MAP3K11: variants seen among roughly 807,000 people sequenced by gnomAD.
MAP3K11 encodes SH3 domain-containing proline-rich kinase.
Under a neutral mutation model 84.9 loss-of-function variants are expected in MAP3K11, and 46 were observed. The observed-to-expected ratio is 0.54, with a 90% CI of 0.43 to 0.69. The LOEUF is 0.69. MAP3K11 is among the 30% of genes least tolerant of loss of function. The probability of loss-of-function intolerance (pLI) is 0.00; values close to 1 mark genes in which losing one functional copy is unlikely to be tolerated. For synonymous variants in MAP3K11, 527 were observed against 514.7 expected, an observed-to-expected ratio of 1.02 and a Z score of -0.32; for missense variants, 1,053 against 1,198.3, an observed-to-expected ratio of 0.88 and a Z score of 1.79.
At position 65,613,339 on chromosome 11, in the gene MAP3K11, G is replaced by A; in HGVS notation, c.418C>T (p.Leu140=). 2.5e-6 allele frequency: 4 copies of A among 1,613,110 alleles called. No individual in the cohort carries two copies. The highest frequency in any genetic ancestry group is 1.1e-5 in the South Asian group (1 of 91,086). ...TGGCGAGCTGCCTTCACAGCCACCA[G>A]CTCACCTCGCCAGCTGCCCCTGTAC... is the stretch of plus-strand genomic sequence containing the variant. ...KVYRGSWRGE[L]VAVKAARQDP... The change falls in exon 1 of 10, where the codon CTG becomes TTG. Residue 140 remains leucine, a synonymous_variant. Coordinates refer to ENST00000309100, the MANE Select transcript of MAP3K11 (RefSeq NM_002419.4).
chr11:65,605,710 G>A (rs1416743200), intron 8 of MAP3K11, 51 bp downstream of exon 8: 2 of 1,408,328 alleles, frequency 1.4e-6, no homozygotes, highest in East Asian at 2.4e-5. Context: ...TCCCCAAGGT[G>A]CCCACGGAAG....
At chr11:65,600,290 A>G (rs1007776686) in intron 8 of MAP3K11, among the ~76,000 whole-genome samples, 5 of 152,146 alleles carry the variant, frequency 3.3e-5, no homozygotes, top group Non-Finnish European at 5.9e-5. Flanking sequence ...CCCTGTCTCT[A>G]TTCTAGAAAG....
In MAP3K11 at chr11:65,607,255, G is replaced by A; in HGVS notation, c.1489+15C>T. 3 of 1,482,750 alleles carry A rather than the reference G, an allele frequency of 2.0e-6. No individual in the cohort carries two copies. Among genetic ancestry groups the A allele is most frequent in the Non-Finnish European group, 8.9e-7 (1 of 1,127,072 alleles). 91.8% of individuals were successfully genotyped at this position (1,482,750 alleles called of 1,614,324 possible). A position where few individuals can be genotyped will look rare whatever the true frequency, so the allele number is the denominator to read the frequency against. ...GCAGCCAATGGCGGGGGACGCCCCG[G>A]GGCCCGGCCCTCACCGAGTGGCATG... On this transcript the variant is annotated intron_variant, in intron 5 of 9. Transcript: ENST00000309100.
chr11:65,613,821 C>T lies in MAP3K11; in HGVS notation c.-65G>A. The T allele has an allele frequency of 6.9e-7, 1 of 1,455,328 alleles. No homozygotes were observed. The highest frequency in any genetic ancestry group is 9.0e-7 in the Non-Finnish European group (1 of 1,106,388). 90.2% of individuals were successfully genotyped at this position (1,455,328 alleles called of 1,614,324 possible). ...TGGGTGCCCGTGGTCCCCACCCCCGCTGGCTGCCAAGGCCCTAGTCCCGGA... is the reference window on the plus strand; with the variant it reads ...TGGGTGCCCGTGGTCCCCACCCCCGTTGGCTGCCAAGGCCCTAGTCCCGGA... On this transcript the variant is annotated 5_prime_UTR_variant, in exon 1 of 10. Transcript: ENST00000309100.
intron 9 of MAP3K11, 152 bp downstream of exon 9, chr11:65,599,242 A>G: frequency 1.1e-6 from 1 of 909,946 alleles, no homozygotes; most frequent in South Asian, 2.0e-5. Flanking sequence ...TGCTCCCTAC[A>G]TGCGTCTTCA....
rs767433009 is a variant in MAP3K11, at chr11:65,613,134, C to T, written c.623G>A (p.Arg208Gln). 17 of 1,589,674 alleles carry T rather than the reference C, an allele frequency of 1.1e-5. No homozygotes were observed. The highest frequency in any genetic ancestry group is 8.9e-5 in the East Asian group (4 of 44,778). ...GACCAGCACATGGGGAGGCACGCGCCGCCCGGCCAGAGCTCGGCTGAGGGG... is the reference window on the plus strand; with the variant it reads ...GACCAGCACATGGGGAGGCACGCGCTGCCCGGCCAGAGCTCGGCTGAGGGG... ...GGPLSRALAG[R>Q]RVPPHVLVNW... Residue 208 changes from arginine to glutamine, a missense_variant, in exon 1 of 10, where the codon CGG (arginine) becomes CAG (glutamine). This residue lies in a region of MAP3K11 where 310 missense variants were observed against 464.5 expected (regional missense o/e 0.67). Coordinates refer to ENST00000309100, the MANE Select transcript of MAP3K11 (RefSeq NM_002419.4).
intron 5 of MAP3K11, 72 bp from the exon 6 acceptor site, chr11:65,606,876 G>C (rs960551865): frequency 3.1e-6 from 3 of 977,074 alleles, no homozygotes; most frequent in Middle Eastern, 2.3e-4. Context: ...ACCTGCAGGG[G>C]CCCAAGGCCA....
chr11:65,606,711 G>C lies in MAP3K11; in HGVS notation c.1583C>G (p.Pro528Arg). The C allele has an allele frequency of 6.2e-7, 1 of 1,601,624 alleles. No homozygotes were observed. Among genetic ancestry groups the C allele is most frequent in the Non-Finnish European group, 8.5e-7 (1 of 1,174,768 alleles). ...EVGPGDSPTFPRFRAIQLEPA... is the reference protein window; with the variant it reads ...EVGPGDSPTFRRFRAIQLEPA... ...CTTACACTGGATGGCTCGGAACCGGGGAAAGGTGGGCGAATCCCCAGGCCC... is the reference window on the plus strand; with the variant it reads ...CTTACACTGGATGGCTCGGAACCGGCGAAAGGTGGGCGAATCCCCAGGCCC... Residue 528 changes from proline (P) to arginine (R), a missense_variant, in exon 6 of 10, where the codon CCC becomes CGC. By Grantham distance (103) the Pro-to-Arg change is moderately radical. This residue lies in a region of MAP3K11 where 583 missense variants were observed against 566.6 expected (regional missense o/e 1.03). Coordinates refer to ENST00000309100, the MANE Select transcript of MAP3K11 (RefSeq NM_002419.4).
chr11:65,599,286 T>C (rs1278526592), intron 9 of MAP3K11, 108 bp downstream of exon 9: 3 of 1,324,106 alleles, frequency 2.3e-6, no homozygotes, highest in Non-Finnish European at 3.0e-6. Flanking sequence ...GTCCAGCTGA[T>C]GACTGTGGTC....
Position 65,613,262 on chromosome 11 carries a change from G to T in MAP3K11, c.495C>A (p.Ala165=). ...GGTGTGCCAGCATGGCGAAGAGCCG[G>T]GCCTCCTGGCGAACGCTCTCGGCTG... is the stretch of plus-strand genomic sequence containing the variant. ...SVTAESVRQE[A]RLFAMLAHPN... is the part of the protein sequence containing the mutation. The change falls in exon 1 of 10, where the codon GCC becomes GCA. Residue 165 remains alanine (A), a synonymous_variant. Transcript: ENST00000309100. The T allele has an allele frequency of 6.2e-7, 1 of 1,610,760 alleles. No homozygotes were observed. Among genetic ancestry groups the T allele is most frequent in the Non-Finnish European group, 8.5e-7 (1 of 1,178,082 alleles).
chr11:65,598,599 A>T lies in MAP3K11; in HGVS notation c.2236T>A (p.Ser746Thr). 6.4e-7 allele frequency: 1 copy of T among 1,566,640 alleles called. No homozygotes were observed. Among genetic ancestry groups the T allele is most frequent in the African/African-American group, 1.3e-5 (1 of 74,358 alleles). The stretch of plus-strand genomic sequence containing the variant: ...CCTGGGGTGCCAGGAGCAGAGCGTG[A>T]TGTCCCCGGTGGGGGTGAGACAGTG... ...GGTVSPPPGT[S>T]RSAPGTPGTP... Residue 746 changes from serine to threonine, a missense_variant, in exon 10 of 10, where the codon TCA becomes ACA. Physicochemically the swap from Ser to Thr is moderately conservative, Grantham distance 58. Coordinates refer to ENST00000309100, the MANE Select transcript of MAP3K11 (RefSeq NM_002419.4).
chr11:65,606,202 T>G, intron 6 of MAP3K11, 121 bp from the exon 7 acceptor site: 1 of 1,195,396 alleles, frequency 8.4e-7, no homozygotes, highest in Non-Finnish European at 1.1e-6. Context: ...ATTCCCAGGG[T>G]GAGCTTTGGG....
chr11:65,607,223 C>T, intron 5 of MAP3K11, 47 bp downstream of exon 5: 7 of 1,441,562 alleles, frequency 4.9e-6, no homozygotes, highest in East Asian at 2.8e-5. Flanking sequence ...GCTCCACCCC[C>T]ACCCCCGCAG....
At position 65,608,007 on chromosome 11, in the gene MAP3K11, A is replaced by G; in HGVS notation, c.984T>C (p.Leu328=). The G allele has an allele frequency of 1.2e-6, 2 of 1,614,212 alleles. No homozygotes were observed. Among genetic ancestry groups the G allele is most frequent in the Non-Finnish European group, 1.7e-6 (2 of 1,180,024 alleles). The change falls in exon 3 of 10, where the codon CTT becomes CTC. Residue 328 remains leucine, a synonymous_variant. Transcript: ENST00000309100. ...GEVPYRGIDC[L]AVAYGVAVNK... is the part of the protein sequence containing the mutation. ...TAACAGCTACGCCATAGGCCACAGC[A>G]AGGCAGTCAATGCCACGGTATGGCA...
chr11:65,604,642 G>C (rs1414084285), intron 8 of MAP3K11, among the ~76,000 whole-genome samples: 1 of 152,128 alleles, frequency 6.6e-6, no homozygotes, highest in African/African-American at 2.4e-5. Context: ...TCACAGAACT[G>C]CTTGGCACAT....
rs2135360815 is a variant in MAP3K11, at chr11:65,598,235, T to C, written c.*56A>G. ...GAGGCTGACCCAGCTCCTGTTCCAG[T>C]GTATGCTGTGACTCCTCCTAAGGCA... On this transcript the variant is annotated 3_prime_UTR_variant, in exon 10 of 10. Transcript: ENST00000309100. 7.5e-7 allele frequency: 1 copy of C among 1,336,392 alleles called. No homozygotes were observed. Among genetic ancestry groups the C allele is most frequent in the South Asian group, 1.9e-5 (1 of 53,868 alleles). The allele number at this position is 1,336,392 out of a possible 1,614,324, so 82.8% of individuals were successfully genotyped here. A position where few individuals can be genotyped will look rare whatever the true frequency, so the allele number is the denominator to read the frequency against.
chr11:65,612,147 G>A (rs1854577289), intron 1 of MAP3K11: 2 of 152,524 alleles, frequency 1.3e-5, no homozygotes, highest in African/African-American at 4.8e-5. Flanking sequence ...TGGGCTCTAG[G>A]AGGCCCCTGC....
Position 65,598,328 on chromosome 11 carries a change from C to G in MAP3K11, c.2507G>C (p.Gly836Ala). The change falls in exon 10 of 10, where the codon GGT becomes GCT. Residue 836 changes from glycine (G) to alanine (A), a missense_variant. Coordinates refer to ENST00000309100, the MANE Select transcript of MAP3K11 (RefSeq NM_002419.4). ...TTCCGGCACCCACGGGGCCTGGGCA[C>G]CCATGTCTTTGGTCTGTGCCCTGCA... ...QDCRAQTKDM[G>A]AQAPWVPEAG... The G allele has an allele frequency of 2.0e-6, 3 of 1,488,358 alleles. No individual in the cohort carries two copies. Among genetic ancestry groups the G allele is most frequent in the Non-Finnish European group, 2.7e-6 (3 of 1,117,980 alleles). The allele number at this position is 1,488,358 out of a possible 1,614,324, so 92.2% of individuals were successfully genotyped here. A position where few individuals can be genotyped will look rare whatever the true frequency, so the allele number is the denominator to read the frequency against.
intron 1 of MAP3K11, 183 bp downstream of exon 1, chr11:65,612,833 ACT>A: frequency 3.8e-6 from 2 of 529,496 alleles, no homozygotes; most frequent in Non-Finnish European, 6.0e-6. Flanking sequence ...GCGCAGGAAG[ACT>A]CTGCTGGGTG....
Sources: gnomAD v4.1 joint callset for allele counts (sites outside exome capture counted in the v4.1 genomes callset) on GRCh38, gnomAD v4.1.1 for gene constraint, gnomAD v4.1.1 regional missense constraint, MANE v1.5 for transcripts, NCBI Gene and HGNC (gene_info 2026-07-23, HGNC 2026-07-21) for gene names.